Variants in LIN7A observed in about 807,000 individuals in gnomAD.
LIN7A encodes the protein protein lin-7 homolog A.
LIN7A carries 25 observed loss-of-function variants against 29.8 expected under a neutral mutation model. The ratio of observed to expected loss-of-function variants is 0.84; its 90% CI spans 0.61 to 1.17. The LOEUF (loss-of-function observed/expected upper bound fraction) is 1.17, where lower values mean the gene tolerates loss of function less well. Among genes scored for constraint, LIN7A ranks in the 50% most tolerant of loss-of-function variants. LIN7A has a pLI of 0.00. For missense variants in LIN7A, 239 were observed against 287.0 expected, an observed-to-expected ratio of 0.83 and a Z score of 1.21; for synonymous variants, 118 against 107.5, an observed-to-expected ratio of 1.10 and a Z score of -0.60.
intron 1 of LIN7A, among the ~76,000 whole-genome samples, chr12:80,919,517 C>G (rs1335931773): frequency 6.6e-6 from 1 of 152,098 alleles, no homozygotes; most frequent in Non-Finnish European, 1.5e-5. Flanking sequence ...TTTTTTTCCA[C>G]AAACTTCCAC....
At chr12:80,836,526 T>G (rs758337676) in intron 4 of LIN7A, among the ~76,000 whole-genome samples, 1 of 152,070 alleles carries the variant, frequency 6.6e-6, no homozygotes, top group Non-Finnish European at 1.5e-5. Context: ...CATGGTGGCA[T>G]GTGCCTGTGG....
At chr12:80,804,088 A>AT (rs1870854571) in intron 5 of LIN7A, among the ~76,000 whole-genome samples, 1 of 151,928 alleles carries the variant, frequency 6.6e-6, no homozygotes, top group South Asian at 2.1e-4. Flanking sequence ...TTAATTTTTA[A>AT]TTTTTGTGGG....
intron 1 of LIN7A, among the ~76,000 whole-genome samples, chr12:80,928,152 G>C (rs1247517678): frequency 6.6e-6 from 1 of 152,080 alleles, no homozygotes; most frequent in Non-Finnish European, 1.5e-5. Context: ...GTTGTGAATA[G>C]TGCTGCAATA....
intron 2 of LIN7A, among the ~76,000 whole-genome samples, chr12:80,859,038 G>A (rs2120387129): frequency 6.6e-6 from 1 of 152,190 alleles, no homozygotes; most frequent in Non-Finnish European, 1.5e-5. Context: ...AATTATTATA[G>A]CTAATAATAA....
chr12:80,821,139 C>A (rs1871787892), intron 4 of LIN7A, among the ~76,000 whole-genome samples: 1 of 152,162 alleles, frequency 6.6e-6, no homozygotes, highest in Non-Finnish European at 1.5e-5. Context: ...CTTCTTAAAC[C>A]ACCAAAGCCT....
intron 1 of LIN7A, among the ~76,000 whole-genome samples, chr12:80,924,763 C>T (rs2120907236): frequency 6.6e-6 from 1 of 152,264 alleles, no homozygotes; most frequent in South Asian, 2.1e-4. Context: ...TTACTTAGTA[C>T]ACATTTGATA....
At chr12:80,880,806 G>A (rs1455098773) in intron 2 of LIN7A, among the ~76,000 whole-genome samples, 1 of 149,540 alleles carries the variant, frequency 6.7e-6, no homozygotes, top group Admixed American at 6.7e-5. Context: ...CACACACATC[G>A]ACATTCAGGT....
intron 2 of LIN7A, among the ~76,000 whole-genome samples, chr12:80,867,499 G>A (rs1410294992): frequency 6.6e-6 from 1 of 152,196 alleles, no homozygotes; most frequent in East Asian, 1.9e-4. Context: ...GTTAGAGAGA[G>A]GTGAAAGAGA....
intron 1 of LIN7A, among the ~76,000 whole-genome samples, chr12:80,899,201 T>C (rs1876067974): frequency 6.6e-6 from 1 of 152,212 alleles, no homozygotes; most frequent in South Asian, 2.1e-4. Context: ...TGATGTTTAA[T>C]TTTATCAAAA....
chr12:80,878,297 C>T (rs1222103353), intron 2 of LIN7A, among the ~76,000 whole-genome samples: 1 of 152,202 alleles, frequency 6.6e-6, no homozygotes, highest in African/African-American at 2.4e-5. Flanking sequence ...TGTCTTTACT[C>T]AGAGAAAGCT....
At chr12:80,804,854 T>A (rs1230917242) in intron 5 of LIN7A, among the ~76,000 whole-genome samples, 2 of 152,138 alleles carry the variant, frequency 1.3e-5, no homozygotes, top group Non-Finnish European at 2.9e-5. Flanking sequence ...GTGCCTGGCA[T>A]GAATCTCATT....
intron 1 of LIN7A, among the ~76,000 whole-genome samples, chr12:80,918,715 G>A (rs961352461): frequency 5.3e-5 from 8 of 152,150 alleles, no homozygotes; most frequent in Non-Finnish European, 1.2e-4. Flanking sequence ...TGTTGGCTCA[G>A]TCTACCATAT....
chr12:80,806,901 T>C (rs1283271317), intron 5 of LIN7A, among the ~76,000 whole-genome samples: 1 of 152,216 alleles, frequency 6.6e-6, no homozygotes, highest in Admixed American at 6.5e-5. Flanking sequence ...GTGTGTGTAT[T>C]GCAAGTGCCA....
At chr12:80,874,257 T>C (rs140934253) in intron 2 of LIN7A, among the ~76,000 whole-genome samples, 1,892 of 152,278 alleles carry the variant, frequency 0.012, 24 homozygotes, top group South Asian at 0.038. Flanking sequence ...TGGTTGAAAA[T>C]GGTTTTTCTG....
chr12:80,888,771 A>C (rs1182133370), intron 2 of LIN7A, among the ~76,000 whole-genome samples: 1 of 152,134 alleles, frequency 6.6e-6, no homozygotes, highest in Non-Finnish European at 1.5e-5. Context: ...TTAGTCAAGA[A>C]AGGATTACAA....
intron 5 of LIN7A, among the ~76,000 whole-genome samples, chr12:80,804,925 A>G (rs1870904944): frequency 6.6e-6 from 1 of 150,856 alleles, no homozygotes; most frequent in Middle Eastern, 3.2e-3. Flanking sequence ...TTATCCATTC[A>G]TCTGTTGATG....
chr12:80,918,049 C>A (rs988232490), intron 1 of LIN7A, among the ~76,000 whole-genome samples: 86 of 151,700 alleles, frequency 5.7e-4, no homozygotes, highest in African/African-American at 2.0e-3. Flanking sequence ...TTTTTCTTTT[C>A]TTTTTCTTTT....
chr12:80,905,308 G>A (rs1029112859), intron 1 of LIN7A, among the ~76,000 whole-genome samples: 1 of 151,870 alleles, frequency 6.6e-6, no homozygotes. Flanking sequence ...TCCTGTCTCA[G>A]CCTCCCAATG....
chr12:80,798,362 A>G (rs901212000), intron 5 of LIN7A, among the ~76,000 whole-genome samples: 1 of 152,150 alleles, frequency 6.6e-6, no homozygotes, highest in Non-Finnish European at 1.5e-5. Context: ...AGATATTTTT[A>G]TTTCAATGAA....
Sources: allele counts gnomAD v4.1 joint callset (sites outside exome capture counted in the v4.1 genomes callset), GRCh38; gene constraint gnomAD v4.1.1; transcripts MANE v1.5; gene names NCBI Gene and HGNC (gene_info 2026-07-23, HGNC 2026-07-21).